The following ARHGAP32 variants were observed in gnomAD, a reference collection of about 807,000 sequenced individuals.
ARHGAP32 encodes Rho GTPase activating protein 32, also known as rho GTPase-activating protein 32.
In ARHGAP32, 51 loss-of-function variants were observed where a neutral mutation model predicts 186.5. The ratio of observed to expected loss-of-function variants is 0.27; its 90% CI spans 0.22 to 0.35. The LOEUF is 0.35. ARHGAP32 is among the 10% of genes least tolerant of loss of function. The pLI, the probability that ARHGAP32 is intolerant of heterozygous loss-of-function variation, is 1.00. For missense variants in ARHGAP32, 2,186 were observed against 2,623.5 expected, an observed-to-expected ratio of 0.83 and a Z score of 3.64; for synonymous variants, 950 against 964.3, an observed-to-expected ratio of 0.99 and a Z score of 0.27.
intron 1 of ARHGAP32, among the ~76,000 whole-genome samples, chr11:129,225,032 A>G (rs1199327750): frequency 6.6e-6 from 1 of 152,086 alleles, no homozygotes. Context: ...GATACCTTCA[A>G]AGAGTTTAAG....
intron 2 of ARHGAP32, among the ~76,000 whole-genome samples, chr11:129,160,728 C>T (rs1245924607): frequency 6.6e-6 from 1 of 152,188 alleles, no homozygotes; most frequent in East Asian, 1.9e-4. Flanking sequence ...AATGGCCATA[C>T]TGCCCAAGGT....
At chr11:129,270,225 G>A (rs1039884607) in intron 1 of ARHGAP32, among the ~76,000 whole-genome samples, 1 of 152,160 alleles carries the variant, frequency 6.6e-6, no homozygotes, top group Non-Finnish European at 1.5e-5. Context: ...AGACAGGGAA[G>A]AAACTTAAAT....
At chr11:129,129,631 T>C (rs1022379149) in intron 2 of ARHGAP32, among the ~76,000 whole-genome samples, 1 of 152,222 alleles carries the variant, frequency 6.6e-6, no homozygotes, top group Non-Finnish European at 1.5e-5. Flanking sequence ...GATCAGATTG[T>C]TACTGTGTCT....
chr11:129,141,554 C>A (rs1329821753), intron 2 of ARHGAP32, among the ~76,000 whole-genome samples: 1 of 150,650 alleles, frequency 6.6e-6, no homozygotes, highest in Non-Finnish European at 1.5e-5. Context: ...CAAACCAACA[C>A]AGCACATGTA....
chr11:129,245,601 AAAATAAATAAAT>A (rs777713723), intron 1 of ARHGAP32, among the ~76,000 whole-genome samples: 2 of 150,114 alleles, frequency 1.3e-5, no homozygotes, highest in African/African-American at 4.9e-5. Context: ...AAGTATAATA[AAAATAAATAAAT>A]AAATAAATAA....
intron 5 of ARHGAP32, among the ~76,000 whole-genome samples, chr11:129,102,518 C>T (rs558173664): frequency 2.4e-4 from 36 of 152,156 alleles, no homozygotes; most frequent in Non-Finnish European, 2.9e-4. Flanking sequence ...CTAACAACAA[C>T]AAAAACAAAA....
chr11:129,172,688 A>ATGAC (rs1377315610), intron 1 of ARHGAP32, among the ~76,000 whole-genome samples: 3 of 152,214 alleles, frequency 2.0e-5, no homozygotes, highest in Non-Finnish European at 2.9e-5. Context: ...CTGCTCCTGA[A>ATGAC]TGACTCCTGG....
At chr11:129,154,302 C>T (rs113171956) in intron 2 of ARHGAP32, among the ~76,000 whole-genome samples, 280 of 152,224 alleles carry the variant, frequency 1.8e-3, no homozygotes, top group East Asian at 6.6e-3. Flanking sequence ...CTAGTACAAC[C>T]GCTATGGAAA....
chr11:129,164,762 A>G (rs1266900815), intron 1 of ARHGAP32, among the ~76,000 whole-genome samples: 2 of 152,236 alleles, frequency 1.3e-5, no homozygotes, highest in East Asian at 1.9e-4. Context: ...CTCTGAATCA[A>G]TATTTACAGA....
chr11:129,121,199 C>T (rs1942520619), intron 5 of ARHGAP32, among the ~76,000 whole-genome samples: 1 of 151,348 alleles, frequency 6.6e-6, no homozygotes, highest in South Asian at 2.1e-4. Flanking sequence ...CTTTAAATGG[C>T]ATTCAATCAG....
intron 22 of ARHGAP32, chr11:128,971,979 A>G (rs904415167): frequency 6.5e-6 from 1 of 152,690 alleles, no homozygotes; most frequent in Admixed American, 6.5e-5. Context: ...TATACTTCCA[A>G]AAAGTCTGCA....
At chr11:129,097,671 T>C (rs1027222968) in intron 5 of ARHGAP32, among the ~76,000 whole-genome samples, 3 of 151,978 alleles carry the variant, frequency 2.0e-5, no homozygotes, top group Non-Finnish European at 4.4e-5. Context: ...AAGGGACCCA[T>C]GGGACACCCT....
At chr11:129,193,703 A>ATAT (rs1491387243), upstream of ARHGAP32, among the ~76,000 whole-genome samples, 2 of 48,372 alleles carry the variant, frequency 4.1e-5, no homozygotes, top group African/African-American at 1.6e-4. Context: ...ATAATATATA[A>ATAT]TATATATTAT....
chr11:129,200,634 C>T (rs573105318), intron 1 of ARHGAP32, among the ~76,000 whole-genome samples: 1 of 152,226 alleles, frequency 6.6e-6, no homozygotes, highest in Admixed American at 6.5e-5. Context: ...ATGTCTTTAT[C>T]AGCAGCATGA....
Position 128,972,954 on chromosome 11 carries a change from G to C in ARHGAP32, c.3552C>G (p.Pro1184=), listed in dbSNP as rs771583540. 1.9e-6 allele frequency: 3 copies of C among 1,614,010 alleles called. No homozygotes were observed. In the South Asian group the frequency reaches 3.3e-5, roughly 18 times the overall value. ...DPEKARITSV[P]LDSEKSDDHV... The stretch of plus-strand genomic sequence containing the variant: ...GATCATCAGACTTCTCTGAGTCTAA[G>C]GGAACTGAAGTAATTCTGGCCTTTT... The change falls in exon 22 of 23, where the codon CCC becomes CCG. Residue 1184 remains proline (P), a synonymous_variant. Coordinates refer to ENST00000682385, the MANE Select transcript of ARHGAP32 (RefSeq NM_001378024.1).
chr11:129,188,367 AAC>A (rs1450565103), intron 1 of ARHGAP32, among the ~76,000 whole-genome samples: 7 of 152,216 alleles, frequency 4.6e-5, no homozygotes, highest in Admixed American at 4.6e-4. Context: ...GAGTAATAAA[AAC>A]AGAAAATCTT....
At chr11:129,107,790 C>T (rs1321952727) in intron 5 of ARHGAP32, among the ~76,000 whole-genome samples, 1 of 151,044 alleles carries the variant, frequency 6.6e-6, no homozygotes, top group East Asian at 1.9e-4. Flanking sequence ...ACTGCTTGAA[C>T]CCAGGAGGCG....
At chr11:129,112,061 G>A (rs1942233377) in intron 5 of ARHGAP32, among the ~76,000 whole-genome samples, 1 of 152,014 alleles carries the variant, frequency 6.6e-6, no homozygotes, top group African/African-American at 2.4e-5. Context: ...TGATCAATAA[G>A]GTGAAACCCC....
intron 1 of ARHGAP32, among the ~76,000 whole-genome samples, chr11:129,240,463 T>C (rs886965489): frequency 2.0e-5 from 3 of 152,138 alleles, no homozygotes; most frequent in African/African-American, 7.2e-5. Context: ...TCTCAAGTAA[T>C]TTCCTTTTCT....
Sources: allele counts gnomAD v4.1 joint callset (sites outside exome capture counted in the v4.1 genomes callset), GRCh38; gene constraint gnomAD v4.1.1; transcripts MANE v1.5; gene names NCBI Gene and HGNC (gene_info 2026-07-23, HGNC 2026-07-21).